NCMAP: variants seen among roughly 807,000 people sequenced by gnomAD.
NCMAP encodes the protein non-compact myelin associated protein.
NCMAP carries 8 observed loss-of-function variants against 7.8 expected under a neutral mutation model. That is an observed-to-expected ratio of 1.02 (90% confidence interval 0.60 to 1.84). NCMAP has a LOEUF of 1.84. Ranked by LOEUF, NCMAP falls within the 40% of genes most tolerant of loss-of-function variation. The probability of loss-of-function intolerance (pLI) is 0.00; values close to 1 mark genes in which losing one functional copy is unlikely to be tolerated. For missense variants in NCMAP, 112 were observed against 131.4 expected (o/e 0.85, Z 0.72); for synonymous variants, 41 against 52.9 (o/e 0.78, Z 0.98).
intron 2 of NCMAP, among the ~76,000 whole-genome samples, chr1:24,596,600 C>T (rs148059955): frequency 1.3e-3 from 191 of 152,208 alleles, no homozygotes; most frequent in African/African-American, 3.0e-3. Context: ...GCAGGAGGAT[C>T]GCTTGAGCCT....
chr1:24,569,165 T>C (rs1273360077), intron 1 of NCMAP, among the ~76,000 whole-genome samples: 1 of 152,094 alleles, frequency 6.6e-6, no homozygotes, highest in African/African-American at 2.4e-5. Context: ...GACTGATTTT[T>C]GTATTTTTAG....
At chr1:24,572,551 C>T (rs1264987661) in intron 1 of NCMAP, among the ~76,000 whole-genome samples, 2 of 150,502 alleles carry the variant, frequency 1.3e-5, no homozygotes, top group Admixed American at 6.6e-5. Context: ...GTGCCAGGGC[C>T]GGCTCTGGAC....
chr1:24,569,883 C>T (rs549905292), intron 1 of NCMAP, among the ~76,000 whole-genome samples: 2 of 150,824 alleles, frequency 1.3e-5, no homozygotes, highest in South Asian at 4.1e-4. Context: ...TTTGGGGTCA[C>T]GTCCTTCCTC....
intron 2 of NCMAP, among the ~76,000 whole-genome samples, chr1:24,597,123 T>C (rs769436066): frequency 7.2e-5 from 11 of 152,078 alleles, no homozygotes; most frequent in Admixed American, 5.2e-4. Flanking sequence ...CCTGAGGAGG[T>C]GTGTCTCCAA....
Position 24,574,124 on chromosome 1 carries a change from A to C in NCMAP, c.-8+17955A>C, listed in dbSNP as rs1250321654. Among the ~76,000 whole-genome samples the C allele has an allele frequency of 3.8e-5, 4 of 105,158 alleles. 1 individual carries two copies. Among genetic ancestry groups the C allele is most frequent in the African/African-American group, 1.0e-4 (3 of 28,684 alleles). 69.0% of individuals were successfully genotyped at this position (105,158 alleles called of 152,430 possible). ...CTTAAGCCTTCAGTCTGGGACTGAG[A>C]GGGGTTTTTTTTTTTTAGACGGAGT... On this transcript the variant is annotated intron_variant, in intron 1 of 3. Transcript: ENST00000374392.
At chr1:24,599,858 G>A (rs1252412766) in intron 2 of NCMAP, among the ~76,000 whole-genome samples, 3 of 113,190 alleles carry the variant, frequency 2.7e-5, no homozygotes, top group African/African-American at 1.0e-4. Context: ...CCAAAGTGCT[G>A]GGATTACAGG....
At chr1:24,592,253 G>T (rs1570533711) in intron 1 of NCMAP, among the ~76,000 whole-genome samples, 1 of 152,232 alleles carries the variant, frequency 6.6e-6, no homozygotes, top group Middle Eastern at 3.4e-3. Context: ...TCGACAGGGG[G>T]AAATGATTGT....
chr1:24,595,634 C>G, intron 2 of NCMAP, 122 bp downstream of exon 2: 1 of 676,684 alleles, frequency 1.5e-6, no homozygotes, highest in Non-Finnish European at 2.5e-6. Context: ...CCCAGTTCTG[C>G]CACGTGCCAA....
intron 1 of NCMAP, among the ~76,000 whole-genome samples, chr1:24,575,460 G>A (rs1175802500): frequency 1.3e-5 from 2 of 152,136 alleles, no homozygotes; most frequent in South Asian, 4.1e-4. Flanking sequence ...CAATCCAGAT[G>A]AGGAAATGAG....
intron 1 of NCMAP, among the ~76,000 whole-genome samples, chr1:24,578,560 CTTTTTTT>C (rs555342098): frequency 1.9e-5 from 2 of 107,378 alleles, no homozygotes; most frequent in Admixed American, 9.7e-5. Flanking sequence ...TTCTTTCTTT[CTTTTTTT>C]TTTTTTTTTT....
intron 1 of NCMAP, among the ~76,000 whole-genome samples, chr1:24,568,630 T>C (rs894768904): frequency 1.3e-5 from 2 of 152,158 alleles, no homozygotes; most frequent in African/African-American, 4.8e-5. Flanking sequence ...TGTTATTACC[T>C]CCACTTTACA....
intron 1 of NCMAP, among the ~76,000 whole-genome samples, chr1:24,567,483 C>T (rs1008233169): frequency 1.3e-5 from 2 of 152,128 alleles, no homozygotes; most frequent in African/African-American, 2.4e-5. Flanking sequence ...AGGGGGTTAA[C>T]GTGCACTGCT....
chr1:24,576,775 AT>A lies in NCMAP; in HGVS notation c.-7-18648del, dbSNP rs1428825267. Among the ~76,000 whole-genome samples, 1 of 152,064 alleles carries A rather than the reference AT, an allele frequency of 6.6e-6. No homozygotes were observed. Among genetic ancestry groups the A allele is most frequent in the Non-Finnish European group, 1.5e-5 (1 of 67,996 alleles). On this transcript the variant is annotated intron_variant, in intron 1 of 3. Transcript: ENST00000374392. This position sits in a 1 kb window ranked among gnomAD's most constrained non-coding sequence, Gnocchi z 4.0. ...AGGCCTCTCTGTTGGAGTTTTCAAG[AT>A]GGCCGTGTTAAGTAGGTGAGGTAGT...
chr1:24,566,950 C>T (rs1340353655), intron 1 of NCMAP, among the ~76,000 whole-genome samples: 2 of 152,096 alleles, frequency 1.3e-5, no homozygotes, highest in African/African-American at 4.8e-5. Flanking sequence ...GACAAATATC[C>T]TGGTTTTTTA....
chr1:24,594,126 A>G (rs554823871), intron 1 of NCMAP, among the ~76,000 whole-genome samples: 1 of 152,032 alleles, frequency 6.6e-6, no homozygotes, highest in Non-Finnish European at 1.5e-5. Context: ...TCCTGACCTC[A>G]GGTGATCTGC....
At chr1:24,580,794 C>G (rs946712999) in intron 1 of NCMAP, among the ~76,000 whole-genome samples, 4 of 152,136 alleles carry the variant, frequency 2.6e-5, no homozygotes, top group East Asian at 1.9e-4. Context: ...GGCACCCTGA[C>G]GTTTGGTGAT....
intron 1 of NCMAP, among the ~76,000 whole-genome samples, chr1:24,587,440 A>G (rs751928429): frequency 3.9e-5 from 6 of 152,176 alleles, no homozygotes; most frequent in Non-Finnish European, 8.8e-5. Context: ...GATACCAGCT[A>G]CCCCAACTGC....
intron 1 of NCMAP, among the ~76,000 whole-genome samples, chr1:24,562,923 C>T (rs952105964): frequency 6.6e-6 from 1 of 151,652 alleles, no homozygotes; most frequent in Non-Finnish European, 1.5e-5. Flanking sequence ...TCCCTTCCCC[C>T]TCCTTATGCC....
chr1:24,605,440 C>T (rs1652688996), intron 3 of NCMAP, among the ~76,000 whole-genome samples, 166 bp from the exon 4 acceptor site: 1 of 152,130 alleles, frequency 6.6e-6, no homozygotes, highest in African/African-American at 2.4e-5. Flanking sequence ...TAGCTGATGC[C>T]TAAGGTCACT....
Sources: allele counts gnomAD v4.1 joint callset (sites outside exome capture counted in the v4.1 genomes callset), GRCh38; gene constraint gnomAD v4.1.1; non-coding constraint Gnocchi (gnomAD v3.1); transcripts MANE v1.5; gene names NCBI Gene and HGNC (gene_info 2026-07-23, HGNC 2026-07-21).